The following SNRNP40 variants were observed in gnomAD, a reference collection of about 807,000 sequenced individuals.
SNRNP40 encodes the protein small nuclear ribonucleoprotein U5 subunit 40, also known as U5 small nuclear ribonucleoprotein 40 kDa protein.
SNRNP40 carries 21 observed loss-of-function variants against 45.8 expected under a neutral mutation model. The ratio of observed to expected loss-of-function variants is 0.46; its 90% confidence interval spans 0.32 to 0.66. The LOEUF (loss-of-function observed/expected upper bound fraction) is 0.66. Ranked by LOEUF, SNRNP40 falls within the 30% of genes least tolerant of loss-of-function variation. The pLI, the probability that SNRNP40 is intolerant of heterozygous loss-of-function variation, is 0.03. For missense variants in SNRNP40, 344 were observed against 439.1 expected (o/e 0.78, Z 1.94); for synonymous variants, 142 against 163.8 (o/e 0.87, Z 1.01).
chr1:31,263,347 T>G (rs1645874217), intron 8 of SNRNP40: 1 of 150,914 alleles, frequency 6.6e-6, no homozygotes, highest in African/African-American at 2.4e-5. Flanking sequence ...ATTAATTTTT[T>G]TTTTTTTTTT....
intron 4 of SNRNP40, among the ~76,000 whole-genome samples, chr1:31,286,688 C>T (rs1646062133): frequency 6.6e-6 from 1 of 152,100 alleles, no homozygotes; most frequent in Non-Finnish European, 1.5e-5. Flanking sequence ...GGGCTGCTGC[C>T]CCTCCCTCAC....
chr1:31,268,980 C>T (rs1275605690), intron 7 of SNRNP40, among the ~76,000 whole-genome samples, 178 bp downstream of exon 7: 1 of 152,194 alleles, frequency 6.6e-6, no homozygotes, highest in Non-Finnish European at 1.5e-5. Context: ...TGACTGGCTT[C>T]TCCCCAGTCA....
intron 4 of SNRNP40, among the ~76,000 whole-genome samples, chr1:31,285,082 G>C (rs1212375604): frequency 6.6e-6 from 1 of 152,074 alleles, no homozygotes; most frequent in African/African-American, 2.4e-5. Context: ...GTCAAAGTTT[G>C]TTTAAAATAA....
At chr1:31,273,490 A>T (rs1303015742) in intron 5 of SNRNP40, among the ~76,000 whole-genome samples, 1 of 152,094 alleles carries the variant, frequency 6.6e-6, no homozygotes, top group Admixed American at 6.6e-5. Context: ...AATACAAAAA[A>T]TTAGCCGGGC....
intron 3 of SNRNP40, 52 bp downstream of exon 3, chr1:31,291,861 G>A: frequency 1.6e-6 from 2 of 1,224,516 alleles, no homozygotes; most frequent in East Asian, 2.3e-5. Context: ...AAGGTGAAAG[G>A]ACGCCAAGAA....
chr1:31,283,645 A>G (rs1646035487), intron 4 of SNRNP40, among the ~76,000 whole-genome samples: 1 of 152,218 alleles, frequency 6.6e-6, no homozygotes, highest in African/African-American at 2.4e-5. Context: ...CCCAACCCAC[A>G]GAAAGTCACT....
In SNRNP40 at chr1:31,289,234, C is replaced by T. The variant is rs372961892; in HGVS notation, c.531+20G>A. 1.2e-6 allele frequency: 2 copies of T among 1,610,786 alleles called. No homozygotes were observed. Among genetic ancestry groups the T allele is most frequent in the South Asian group, 1.1e-5 (1 of 90,718 alleles). On this transcript the variant is annotated intron_variant, in intron 4 of 9. Transcript: ENST00000263694. ...CATCACATCACCTCAGAAACTGGAA[C>T]ACGGAGAGACAATACCCACCTTAAC...
At chr1:31,292,508 G>C (rs1205092519) in intron 2 of SNRNP40, among the ~76,000 whole-genome samples, 4 of 152,164 alleles carry the variant, frequency 2.6e-5, no homozygotes, top group African/African-American at 9.7e-5. Context: ...CATAGAGCCG[G>C]AACATCCAAA....
At chr1:31,288,124 C>T (rs1182711667) in intron 4 of SNRNP40, among the ~76,000 whole-genome samples, 1 of 151,638 alleles carries the variant, frequency 6.6e-6, no homozygotes, top group Non-Finnish European at 1.5e-5. Flanking sequence ...GATTGTGCCA[C>T]TGCACTCCAG....
chr1:31,274,162 T>TG (rs1385636760), intron 5 of SNRNP40, among the ~76,000 whole-genome samples: 29 of 152,074 alleles, frequency 1.9e-4, no homozygotes, highest in Admixed American at 1.6e-3. Flanking sequence ...TTTCCTTCAC[T>TG]GGGGGGTCAA....
At chr1:31,262,029 G>A (rs1645862413) in intron 8 of SNRNP40, among the ~76,000 whole-genome samples, 1 of 152,196 alleles carries the variant, frequency 6.6e-6, no homozygotes, top group South Asian at 2.1e-4. Flanking sequence ...TCATGGCAGG[G>A]TGGGAGCCTA....
Position 31,259,922 on chromosome 1 carries a change from G to A in SNRNP40, c.*150C>T, listed in dbSNP as rs757539500. 3 of 715,772 alleles carry A rather than the reference G, an allele frequency of 4.2e-6. No individual in the cohort carries two copies. Among genetic ancestry groups the A allele is most frequent in the Non-Finnish European group, 7.6e-6 (3 of 393,264 alleles). The allele number at this position is 715,772 out of a possible 1,614,324, so 44.3% of individuals were successfully genotyped here. The stretch of plus-strand genomic sequence containing the variant: ...CATCCTGGTGAAATGGGACAGAAGT[G>A]GTTTTTGGAATATGGCCACCGCCTC... On this transcript the variant is annotated 3_prime_UTR_variant, in exon 10 of 10. Coordinates refer to ENST00000263694, the MANE Select transcript of SNRNP40 (RefSeq NM_004814.3).
intron 2 of SNRNP40, among the ~76,000 whole-genome samples, chr1:31,292,348 T>C (rs1479396812): frequency 3.3e-5 from 5 of 151,998 alleles, no homozygotes; most frequent in African/African-American, 1.2e-4. Flanking sequence ...GGTGACAGAG[T>C]GAGACTCCGT....
intron 1 of SNRNP40, among the ~76,000 whole-genome samples, chr1:31,296,204 A>G (rs2148394384): frequency 6.6e-6 from 1 of 152,344 alleles, no homozygotes; most frequent in South Asian, 2.1e-4. Flanking sequence ...AGGGAAAAGC[A>G]ACTTGCCCAA....
At chr1:31,289,114 G>T in intron 4 of SNRNP40, 140 bp downstream of exon 4, 1 of 643,412 alleles carries the variant, frequency 1.6e-6, no homozygotes. Context: ...TATTTTAAAT[G>T]GGGAAAAATT....
intron 4 of SNRNP40, among the ~76,000 whole-genome samples, chr1:31,286,958 C>T (rs1021958529): frequency 4.6e-5 from 7 of 152,174 alleles, no homozygotes; most frequent in Admixed American, 1.3e-4. Context: ...CACACATACA[C>T]GCAGTATTTC....
Position 31,259,966 on chromosome 1 carries a change from G to T in SNRNP40, c.*106C>A. ...CCGCCTCCTGTTTCTTGCTAGCAAT[G>T]GTCATCTGAAGGGAGGGTGCTAGCC... On this transcript the variant is annotated 3_prime_UTR_variant, in exon 10 of 10. Coordinates refer to ENST00000263694, the MANE Select transcript of SNRNP40 (RefSeq NM_004814.3). The T allele has an allele frequency of 1.2e-6, 1 of 837,650 alleles. No individual in the cohort carries two copies. The highest frequency in any genetic ancestry group is 2.5e-5 in the East Asian group (1 of 40,642). The allele number at this position is 837,650 out of a possible 1,614,324, so 51.9% of individuals were successfully genotyped here. A position where few individuals can be genotyped will look rare whatever the true frequency, so the allele number is the denominator to read the frequency against.
chr1:31,271,306 C>T (rs1300240013), intron 6 of SNRNP40, 73 bp downstream of exon 6: 48 of 1,458,198 alleles, frequency 3.3e-5, no homozygotes, highest in Non-Finnish European at 3.8e-5. Context: ...ACATTCTAAT[C>T]GTCTGATGGA....
chr1:31,291,303 A>T (rs1646106127), intron 3 of SNRNP40, among the ~76,000 whole-genome samples: 1 of 152,092 alleles, frequency 6.6e-6, no homozygotes, highest in African/African-American at 2.4e-5. Context: ...AAAAAAAATT[A>T]ACACTGATTA....
Sources: gnomAD v4.1 joint callset for allele counts (sites outside exome capture counted in the v4.1 genomes callset) on GRCh38, gnomAD v4.1.1 for gene constraint, MANE v1.5 for transcripts, NCBI Gene and HGNC (gene_info 2026-07-23, HGNC 2026-07-21) for gene names.